DIAPH3: variants seen among roughly 807,000 people sequenced by gnomAD.
DIAPH3 encodes the protein protein diaphanous homolog 3.
In DIAPH3, 117 loss-of-function variants were observed where a neutral mutation model predicts 144.3. The ratio of observed to expected loss-of-function variants is 0.81; its 90% CI spans 0.70 to 0.95. The LOEUF (loss-of-function observed/expected upper bound fraction) is 0.95. Among genes scored for constraint, DIAPH3 ranks in the 40% least tolerant of loss-of-function variants. The pLI is 0.00. For synonymous variants in DIAPH3, 519 were observed against 488.9 expected, an observed-to-expected ratio of 1.06 and a Z score of -0.81; for missense variants, 1,421 against 1,412.7, an observed-to-expected ratio of 1.01 and a Z score of -0.09.
At chr13:60,162,809 T>TCTCTCACA (rs1555388530) in intron 1 of DIAPH3, among the ~76,000 whole-genome samples, 17 of 122,514 alleles carry the variant, frequency 1.4e-4, no homozygotes, top group Admixed American at 9.3e-4. Flanking sequence ...TCTCTCTCTC[T>TCTCTCACA]CACACACACA....
At chr13:59,669,855 A>G (rs956344696) in intron 27 of DIAPH3, among the ~76,000 whole-genome samples, 3 of 152,092 alleles carry the variant, frequency 2.0e-5, no homozygotes, top group African/African-American at 7.2e-5. Context: ...TTTTCTCTTG[A>G]ACCCACTCCA....
At chr13:60,093,219 T>C (rs941927658) in intron 4 of DIAPH3, among the ~76,000 whole-genome samples, 2 of 152,230 alleles carry the variant, frequency 1.3e-5, no homozygotes, top group African/African-American at 4.8e-5. Context: ...ATTTTATTCA[T>C]AGGGAGACTC....
chr13:59,802,584 A>G (rs2039965212), intron 25 of DIAPH3, among the ~76,000 whole-genome samples: 2 of 136,070 alleles, frequency 1.5e-5, no homozygotes, highest in Non-Finnish European at 1.6e-5. Context: ...TTTTTACTTC[A>G]TGGTTTTTTT....
chr13:60,131,802 C>T (rs1469332200), intron 2 of DIAPH3, among the ~76,000 whole-genome samples: 1 of 152,094 alleles, frequency 6.6e-6, no homozygotes, highest in Non-Finnish European at 1.5e-5. Context: ...ATAAAAATTG[C>T]AGATGGTTTA....
intron 27 of DIAPH3, among the ~76,000 whole-genome samples, chr13:59,708,447 T>G (rs1190810113): frequency 1.3e-5 from 2 of 152,170 alleles, no homozygotes; most frequent in Non-Finnish European, 1.5e-5. Context: ...GAAGTCACAG[T>G]AGCCTCCACA....
intron 20 of DIAPH3, among the ~76,000 whole-genome samples, chr13:59,902,834 A>G (rs2046519521): frequency 6.6e-6 from 1 of 152,226 alleles, no homozygotes; most frequent in Non-Finnish European, 1.5e-5. Flanking sequence ...TTATCTTAAA[A>G]GATGCATACC....
At chr13:59,945,731 T>C (rs898525872) in intron 17 of DIAPH3, among the ~76,000 whole-genome samples, 2 of 151,736 alleles carry the variant, frequency 1.3e-5, no homozygotes, top group African/African-American at 4.8e-5. Flanking sequence ...GGCTAGGAAA[T>C]AGGGAGGCCC....
Position 60,027,452 on chromosome 13 carries a change from G to A in DIAPH3, c.627-11307C>T, listed in dbSNP as rs187247022. Among the ~76,000 whole-genome samples, 16 of 152,228 alleles carry A rather than the reference G, an allele frequency of 1.1e-4. No homozygotes were observed. The East Asian group carries it at 3.1e-3, about 29-fold the overall frequency. ...CAGATAAGATAACACAGTAATAAATGTAGTATTCTCCTAGTTTCTTTTTGG... is the reference window on the plus strand; with the variant it reads ...CAGATAAGATAACACAGTAATAAATATAGTATTCTCCTAGTTTCTTTTTGG... On this transcript the variant is annotated intron_variant, in intron 5 of 27. Transcript: ENST00000400324.
chr13:59,978,187 T>C (rs1304058954), intron 14 of DIAPH3, among the ~76,000 whole-genome samples: 1 of 151,722 alleles, frequency 6.6e-6, no homozygotes, highest in Admixed American at 6.6e-5. Flanking sequence ...CTTTCCAGTG[T>C]CTTACATCTA....
intron 4 of DIAPH3, among the ~76,000 whole-genome samples, chr13:60,092,094 A>T (rs183691343): frequency 3.9e-5 from 6 of 152,144 alleles, no homozygotes; most frequent in Admixed American, 3.9e-4. Context: ...TCCCACCTTG[A>T]CTTCTCAAAC....
intron 27 of DIAPH3, among the ~76,000 whole-genome samples, chr13:59,731,130 C>T (rs775688503): frequency 2.6e-5 from 4 of 152,170 alleles, no homozygotes; most frequent in Non-Finnish European, 5.9e-5. Flanking sequence ...AAGGCTTCTG[C>T]TGCTTATCAT....
chr13:60,070,442 T>C (rs1039702993), intron 4 of DIAPH3, among the ~76,000 whole-genome samples: 1 of 151,982 alleles, frequency 6.6e-6, no homozygotes, highest in African/African-American at 2.4e-5. Flanking sequence ...AGTTTTAGGG[T>C]TTAAAAAAAA....
chr13:59,845,363 T>C (rs1021866363), intron 22 of DIAPH3, among the ~76,000 whole-genome samples: 30 of 152,124 alleles, frequency 2.0e-4, no homozygotes, highest in Non-Finnish European at 1.3e-4. Context: ...TTTAAAGTCA[T>C]AGGGAACCCT....
intron 4 of DIAPH3, among the ~76,000 whole-genome samples, chr13:60,043,167 A>T (rs2800295): frequency 0.56 from 84,408 of 151,968 alleles, 23,986 homozygotes; most frequent in Admixed American, 0.6. Flanking sequence ...TACAAGAACT[A>T]CCCTATTAAA....
chr13:59,989,490 A>G (rs919892915), intron 12 of DIAPH3, among the ~76,000 whole-genome samples: 3 of 151,878 alleles, frequency 2.0e-5, no homozygotes, highest in African/African-American at 7.2e-5. Flanking sequence ...TCTAGCAGTC[A>G]CAGGAAGAAC....
chr13:59,930,498 A>G (rs1345671748), intron 17 of DIAPH3, among the ~76,000 whole-genome samples: 1 of 152,202 alleles, frequency 6.6e-6, no homozygotes, highest in Non-Finnish European at 1.5e-5. Context: ...TATGTGGGAA[A>G]GACACAACAA....
chr13:59,827,176 A>G (rs1029663910), intron 24 of DIAPH3, among the ~76,000 whole-genome samples: 3 of 152,084 alleles, frequency 2.0e-5, no homozygotes, highest in African/African-American at 7.2e-5. Flanking sequence ...GCCAAAATTG[A>G]CAAATGGGAT....
Position 59,911,226 on chromosome 13 carries a change from C to T in DIAPH3, c.2367+509G>A, listed in dbSNP as rs905790889. On this transcript the variant is annotated intron_variant, in intron 20 of 27. Transcript: ENST00000400324. The stretch of plus-strand genomic sequence containing the variant: ...GAAATTCTTTTCACCTCTTTAGACC[C>T]CAGCTTCTATAAAATAAAAGGCTGG... Among the ~76,000 whole-genome samples the T allele has an allele frequency of 9.2e-5, 14 of 152,166 alleles. 1 individual carries two copies. Among genetic ancestry groups the T allele is most frequent in the Admixed American group, 4.6e-4 (7 of 15,288 alleles).
At chr13:60,019,757 G>A (rs2141012791) in intron 5 of DIAPH3, among the ~76,000 whole-genome samples, 1 of 152,190 alleles carries the variant, frequency 6.6e-6, no homozygotes, top group South Asian at 2.1e-4. Context: ...GTGTAAAGTG[G>A]TTTCTGACAT....
Sources: gnomAD v4.1 joint callset for allele counts (sites outside exome capture counted in the v4.1 genomes callset) on GRCh38, gnomAD v4.1.1 for gene constraint, MANE v1.5 for transcripts, NCBI Gene and HGNC (gene_info 2026-07-23, HGNC 2026-07-21) for gene names.